CAPN5: variants seen among roughly 807,000 people sequenced by gnomAD.
The protein encoded by CAPN5 is calpain-5.
In CAPN5, 54 loss-of-function variants were observed where a neutral mutation model predicts 73.0. The observed-to-expected ratio is 0.74, with a 90% CI of 0.59 to 0.93. CAPN5 has a LOEUF of 0.93. CAPN5 is among the 40% of genes least tolerant of loss of function. The pLI is 0.00. For synonymous variants in CAPN5, 335 were observed against 356.9 expected, an observed-to-expected ratio of 0.94 and a Z score of 0.69; for missense variants, 785 against 882.9, an observed-to-expected ratio of 0.89 and a Z score of 1.41.
At chr11:77,091,977 T>C (rs1200087662) in intron 2 of CAPN5, among the ~76,000 whole-genome samples, 1 of 152,200 alleles carries the variant, frequency 6.6e-6, no homozygotes, top group Non-Finnish European at 1.5e-5. Context: ...CCCAGCACTT[T>C]GGGAGGCTGA....
intron 1 of CAPN5, among the ~76,000 whole-genome samples, chr11:77,081,691 G>T (rs1950030013): frequency 6.6e-6 from 1 of 152,160 alleles, no homozygotes; most frequent in Non-Finnish European, 1.5e-5. Flanking sequence ...CTGGGTCGAG[G>T]CTCAGGAGCT....
At chr11:77,067,397 C>A (rs1050548387) in intron 1 of CAPN5, among the ~76,000 whole-genome samples, 1 of 152,042 alleles carries the variant, frequency 6.6e-6, no homozygotes, top group African/African-American at 2.4e-5. Context: ...CTGGAAGCGC[C>A]TAACACCCGG....
At position 77,115,433 on chromosome 11, in the gene CAPN5, C is replaced by T. The variant is rs34639786; in HGVS notation, c.738C>T (p.Cys246=). The change falls in exon 6 of 13, where the codon TGC becomes TGT. Residue 246 remains cysteine, a synonymous_variant. Transcript: ENST00000648180. The part of the protein sequence containing the change: ...TAADMEARLA[C]GLVKGHAYAV... ...CTGACATGGAGGCCCGCCTGGCGTGCGGCCTGGTAAAGGGCCACGCATACG... is the reference window on the plus strand; with the variant it reads ...CTGACATGGAGGCCCGCCTGGCGTGTGGCCTGGTAAAGGGCCACGCATACG... 3.7e-4 allele frequency: 590 copies of T among 1,607,946 alleles called. 2 individuals carry two copies. The African/African-American group carries it at 5.7e-3, about 15-fold the overall frequency.
chr11:77,077,343 C>A (rs896832064), intron 1 of CAPN5, among the ~76,000 whole-genome samples: 1 of 151,538 alleles, frequency 6.6e-6, no homozygotes, highest in African/African-American at 2.4e-5. Context: ...GGCGACAGAG[C>A]GAGACTCTGT....
At chr11:77,110,159 C>A (rs7929704) in intron 3 of CAPN5, among the ~76,000 whole-genome samples, 33,325 of 151,080 alleles carry the variant, frequency 0.22, 3,777 homozygotes, top group South Asian at 0.32. Flanking sequence ...TGTTGCCCAG[C>A]TCACTGCAAC....
At chr11:77,112,981 G>A (rs1197891837) in intron 4 of CAPN5, 184 bp downstream of exon 4, 4 of 630,664 alleles carry the variant, frequency 6.3e-6, no homozygotes, top group Non-Finnish European at 1.1e-5. Flanking sequence ...TGGGTGGGGT[G>A]GAGGCCTGGG....
chr11:77,103,289 G>A lies in CAPN5; in HGVS notation c.298-9300G>A, dbSNP rs574557269. The A allele has an allele frequency of 3.7e-6, 6 of 1,612,688 alleles. No individual in the cohort carries two copies. In the Admixed American group the frequency reaches 1.0e-4, roughly 27 times the overall value. On this transcript the variant is annotated intron_variant, in intron 3 of 12. Coordinates refer to ENST00000648180, the MANE Select transcript of CAPN5 (RefSeq NM_004055.5). ...TCGTCACCTTTGGCGAGGGTGTGGA[G>A]CCCGCCAACCTCAAGGCCTCCGTGG...
intron 1 of CAPN5, among the ~76,000 whole-genome samples, chr11:77,069,529 A>T (rs1949880259): frequency 6.6e-6 from 1 of 152,140 alleles, no homozygotes; most frequent in South Asian, 2.1e-4. Context: ...CCTTGAGGAG[A>T]GGCAAGGGCT....
In CAPN5 at chr11:77,112,671, G is replaced by A. The variant is rs377123751; in HGVS notation, c.380G>A (p.Arg127His). The change falls in exon 4 of 13, where the codon CGC (arginine) becomes CAC (histidine). Residue 127 changes from arginine (R) to histidine (H), a missense_variant. Transcript: ENST00000648180. ...GGCATCTTCCACTTCCACTTCTGGCGCTTCGGGGAATGGGTGGACGTGGTC... is the reference window on the plus strand; with the variant it reads ...GGCATCTTCCACTTCCACTTCTGGCACTTCGGGGAATGGGTGGACGTGGTC... ...YAGIFHFHFW[R>H]FGEWVDVVID... 9.9e-6 allele frequency: 16 copies of A among 1,614,072 alleles called. No homozygotes were observed. The highest frequency in any genetic ancestry group is 5.3e-5 in the African/African-American group (4 of 74,920).
chr11:77,071,707 C>G lies in CAPN5; in HGVS notation c.-36+4613C>G, dbSNP rs552034222. 9.4e-4 allele frequency: 408 copies of G among 434,196 alleles called. 9 individuals are homozygous for G. The highest frequency in any genetic ancestry group is 5.8e-3 in the South Asian group (371 of 63,854). The allele number at this position is 434,196 out of a possible 1,614,324, so 26.9% of individuals were successfully genotyped here. A position where few individuals can be genotyped will look rare whatever the true frequency, so the allele number is the denominator to read the frequency against. ...GGTATGTGGACAGGATGTTGCCCAGCCTGACATCTTGGGGCTCTGGTTCAC... is the reference window on the plus strand; with the variant it reads ...GGTATGTGGACAGGATGTTGCCCAGGCTGACATCTTGGGGCTCTGGTTCAC... On this transcript the variant is annotated intron_variant, in intron 1 of 12. Transcript: ENST00000648180.
intron 3 of CAPN5, among the ~76,000 whole-genome samples, chr11:77,095,240 T>G (rs1950195185): frequency 6.9e-6 from 1 of 144,238 alleles, no homozygotes; most frequent in Admixed American, 6.9e-5. Context: ...CCTGGTTCTG[T>G]GCTCTGGGTG....
intron 2 of CAPN5, among the ~76,000 whole-genome samples, chr11:77,087,687 TG>T (rs1555035768): frequency 6.6e-6 from 1 of 152,172 alleles, no homozygotes; most frequent in Non-Finnish European, 1.5e-5. Context: ...TCACAGTTTC[TG>T]GAAACCGAAA....
intron 3 of CAPN5, among the ~76,000 whole-genome samples, chr11:77,107,657 G>A (rs1950365777): frequency 6.6e-6 from 1 of 152,166 alleles, no homozygotes; most frequent in African/African-American, 2.4e-5. Flanking sequence ...GGTGGGACCC[G>A]GAGGTTTCTG....
intron 3 of CAPN5, among the ~76,000 whole-genome samples, chr11:77,098,854 G>T (rs1401568019): frequency 7.2e-6 from 1 of 139,522 alleles, no homozygotes; most frequent in African/African-American, 2.8e-5. Flanking sequence ...CCTCCCGGAC[G>T]GGGTGGCTGC....
At chr11:77,091,645 C>A (rs1950149910) in intron 2 of CAPN5, among the ~76,000 whole-genome samples, 1 of 152,176 alleles carries the variant, frequency 6.6e-6, no homozygotes, top group South Asian at 2.1e-4. Flanking sequence ...TTCCTCAGCT[C>A]AGTGAGGCGA....
chr11:77,067,921 C>G (rs1265245468), intron 1 of CAPN5, among the ~76,000 whole-genome samples: 3 of 152,108 alleles, frequency 2.0e-5, no homozygotes, highest in African/African-American at 7.2e-5. Flanking sequence ...GCTGCCCTCT[C>G]AGGATTGCTG....
At chr11:77,085,750 T>C (rs1219648593) in intron 2 of CAPN5, among the ~76,000 whole-genome samples, 1 of 151,484 alleles carries the variant, frequency 6.6e-6, no homozygotes, top group Non-Finnish European at 1.5e-5. Context: ...TTCCTGGGTG[T>C]GAGGGTGGGC....
At chr11:77,082,575 A>C (rs1950038876) in intron 1 of CAPN5, among the ~76,000 whole-genome samples, 1 of 152,082 alleles carries the variant, frequency 6.6e-6, no homozygotes, top group Non-Finnish European at 1.5e-5. Flanking sequence ...CGGGGCCAGA[A>C]GAACCTCACA....
At chr11:77,120,385 C>A in intron 9 of CAPN5, 1 of 238,462 alleles carries the variant, frequency 4.2e-6, no homozygotes, top group Non-Finnish European at 8.1e-6. Context: ...ATTCACAGAG[C>A]ATGCAATTCA....
Sources: allele counts gnomAD v4.1 joint callset (sites outside exome capture counted in the v4.1 genomes callset), GRCh38; gene constraint gnomAD v4.1.1; transcripts MANE v1.5; gene names NCBI Gene and HGNC (gene_info 2026-07-23, HGNC 2026-07-21).